KPNA6: variants seen among roughly 807,000 people sequenced by gnomAD.
The protein encoded by KPNA6 is importin subunit alpha-7.
A neutral mutation model predicts 72.0 loss-of-function variants in KPNA6; 9 were observed. The observed-to-expected ratio is 0.13, with a 90% CI of 0.08 to 0.22. The LOEUF (loss-of-function observed/expected upper bound fraction) is 0.22, where lower values mean the gene tolerates loss of function less well. Among genes scored for constraint, KPNA6 ranks in the 10% least tolerant of loss-of-function variants. The probability of loss-of-function intolerance (pLI) is 1.00; values close to 1 mark genes in which losing one functional copy is unlikely to be tolerated. For missense variants in KPNA6, 374 were observed against 655.7 expected, an observed-to-expected ratio of 0.57 and a Z score of 4.69; for synonymous variants, 219 against 242.1, an observed-to-expected ratio of 0.90 and a Z score of 0.89.
intron 1 of KPNA6, among the ~76,000 whole-genome samples, chr1:32,120,031 C>T (rs1040551651): frequency 7.3e-5 from 11 of 151,528 alleles, no homozygotes; most frequent in East Asian, 1.9e-4. Flanking sequence ...CCACCACGCC[C>T]GGCCTGGATT....
At chr1:32,116,336 C>G (rs562498232) in intron 1 of KPNA6, among the ~76,000 whole-genome samples, 1 of 151,308 alleles carries the variant, frequency 6.6e-6, no homozygotes, top group African/African-American at 2.4e-5. Context: ...TTTGTGTGTT[C>G]ACTGGACTAG....
chr1:32,134,906 C>CT (rs1254551787), intron 1 of KPNA6, among the ~76,000 whole-genome samples: 76 of 143,154 alleles, frequency 5.3e-4, no homozygotes, highest in African/African-American at 6.6e-4. Flanking sequence ...TTTTTTTTTA[C>CT]TTTTTTTTTT....
intron 3 of KPNA6, 69 bp from the exon 4 acceptor site, chr1:32,157,277 G>C: frequency 8.6e-7 from 1 of 1,166,808 alleles, no homozygotes; most frequent in Non-Finnish European, 1.3e-6. Context: ...AGGATGCCAA[G>C]CAGTATTATG....
chr1:32,115,395 T>C (rs1005322595), intron 1 of KPNA6, among the ~76,000 whole-genome samples: 5 of 152,016 alleles, frequency 3.3e-5, no homozygotes, highest in Middle Eastern at 3.2e-3. Flanking sequence ...ATCTCAACCT[T>C]CCAAAGTGCT....
chr1:32,143,592 GAAA>G (rs200170133), intron 1 of KPNA6, among the ~76,000 whole-genome samples: 1 of 138,552 alleles, frequency 7.2e-6, no homozygotes, highest in Non-Finnish European at 1.6e-5. Flanking sequence ...AAAAAGAAAA[GAAA>G]AAAAAATTAT....
chr1:32,148,759 A>T (rs1054227339), intron 1 of KPNA6, among the ~76,000 whole-genome samples: 3 of 151,434 alleles, frequency 2.0e-5, no homozygotes, highest in African/African-American at 7.3e-5. Flanking sequence ...GGGTTTCACC[A>T]TATTGGCCAG....
At chr1:32,166,463 A>G (rs1469983938) in intron 11 of KPNA6, among the ~76,000 whole-genome samples, 1 of 151,678 alleles carries the variant, frequency 6.6e-6, no homozygotes, top group Non-Finnish European at 1.5e-5. Flanking sequence ...CATCTGTACT[A>G]AAAATACAAA....
intron 1 of KPNA6, among the ~76,000 whole-genome samples, chr1:32,113,920 C>T (rs1406710015): frequency 6.6e-6 from 1 of 152,206 alleles, no homozygotes; most frequent in Non-Finnish European, 1.5e-5. Context: ...AGTTATCTTG[C>T]TGTTTCCACC....
rs139069409 is a variant in KPNA6, at chr1:32,120,578, T to A, written c.4+12444T>A. ...ATTTTTTTAATTAATTAATTAATTA[T>A]TTTTTTGAGATGGAGTATAGCTCTG... is the stretch of plus-strand genomic sequence containing the variant. On this transcript the variant is annotated intron_variant, in intron 1 of 13. Coordinates refer to ENST00000373625, the MANE Select transcript of KPNA6 (RefSeq NM_012316.5). Among the ~76,000 whole-genome samples, 1,470 of 151,732 alleles carry A rather than the reference T, an allele frequency of 9.7e-3. 20 individuals are homozygous for A. Among genetic ancestry groups the A allele is most frequent in the African/African-American group, 0.033 (1,352 of 41,382 alleles).
chr1:32,157,529 C>A, intron 4 of KPNA6, 84 bp downstream of exon 4: 2 of 931,998 alleles, frequency 2.1e-6, no homozygotes, highest in East Asian at 2.5e-5. Context: ...TACACGTGCC[C>A]TCACTCATTC....
intron 12 of KPNA6, 105 bp downstream of exon 12, chr1:32,167,401 C>T (rs918479763): frequency 1.6e-6 from 2 of 1,270,424 alleles, no homozygotes; most frequent in Non-Finnish European, 2.2e-6. Flanking sequence ...ACAGGTCTGC[C>T]CCCTAGTCTC....
chr1:32,120,861 G>A (rs1453505143), intron 1 of KPNA6, among the ~76,000 whole-genome samples: 3 of 143,062 alleles, frequency 2.1e-5, no homozygotes, highest in South Asian at 2.3e-4. Context: ...ACACCCAGAC[G>A]GAGTTCCTTC....
intron 1 of KPNA6, among the ~76,000 whole-genome samples, chr1:32,116,133 C>T (rs1641324190): frequency 6.6e-6 from 1 of 151,672 alleles, no homozygotes; most frequent in Admixed American, 6.6e-5. Flanking sequence ...GATCTTCTGT[C>T]AAAACCACTA....
Position 32,176,418 on chromosome 1 carries a change from T to C in KPNA6, c.*5524T>C, listed in dbSNP as rs951323642. On this transcript the variant is annotated 3_prime_UTR_variant, in exon 14 of 14. Transcript: ENST00000373625. ...ACACAGCTTGATTTCAGAGCAGACA[T>C]AGGCGAAGAAAACATGGCATTGAGT... 5 of 152,398 alleles carry C rather than the reference T, an allele frequency of 3.3e-5. No homozygotes were observed. The highest frequency in any genetic ancestry group is 6.5e-5 in the Admixed American group (1 of 15,280). 9.4% of individuals were successfully genotyped at this position (152,398 alleles called of 1,614,324 possible).
intron 10 of KPNA6, 118 bp downstream of exon 10, chr1:32,163,431 C>A: frequency 1.4e-6 from 1 of 702,418 alleles, no homozygotes; most frequent in Non-Finnish European, 2.5e-6. Flanking sequence ...GCACTATGGT[C>A]TAAGGAAGTA....
intron 11 of KPNA6, 89 bp from the exon 12 acceptor site, chr1:32,167,080 C>G (rs1424227000): frequency 2.0e-6 from 3 of 1,496,908 alleles, no homozygotes; most frequent in Admixed American, 1.8e-5. Flanking sequence ...GGGAAGATGT[C>G]TAAGTCTCAG....
At chr1:32,162,661 C>G (rs556400184) in intron 9 of KPNA6, 137 bp downstream of exon 9, 1 of 822,054 alleles carries the variant, frequency 1.2e-6, no homozygotes, top group African/African-American at 1.7e-5. Context: ...ATGGTGAAAC[C>G]CCGTCTCTAC....
At chr1:32,136,957 T>C (rs1641745016) in intron 1 of KPNA6, among the ~76,000 whole-genome samples, 1 of 152,216 alleles carries the variant, frequency 6.6e-6, no homozygotes, top group Non-Finnish European at 1.5e-5. Flanking sequence ...GCTTTCCTTC[T>C]TGAATGAGTA....
chr1:32,153,445 C>T (rs532934265), intron 1 of KPNA6, among the ~76,000 whole-genome samples: 3 of 151,722 alleles, frequency 2.0e-5, no homozygotes, highest in Non-Finnish European at 4.4e-5. Flanking sequence ...GTGGCAGGCA[C>T]CTGTAGTCCC....
Sources: allele counts gnomAD v4.1 joint callset (sites outside exome capture counted in the v4.1 genomes callset), GRCh38; gene constraint gnomAD v4.1.1; transcripts MANE v1.5; gene names NCBI Gene and HGNC (gene_info 2026-07-23, HGNC 2026-07-21).